Variants in NEDD4 observed in about 807,000 individuals in gnomAD.
NEDD4 encodes the protein E3 ubiquitin-protein ligase NEDD4.
A neutral mutation model predicts 144.9 loss-of-function variants in NEDD4; 99 were observed. The ratio of observed to expected loss-of-function variants is 0.68; its 90% CI spans 0.58 to 0.81. The LOEUF is 0.81. NEDD4 is among the 30% of genes least tolerant of loss of function. NEDD4 has a pLI of 0.00. For synonymous variants in NEDD4, 318 were observed against 350.6 expected (o/e 0.91, Z 1.04); for missense variants, 985 against 1,065.9 (o/e 0.92, Z 1.06).
At chr15:55,830,862 G>A (rs2032916387) in intron 27 of NEDD4, among the ~76,000 whole-genome samples, 1 of 152,054 alleles carries the variant, frequency 6.6e-6, no homozygotes, top group Admixed American at 6.6e-5. Flanking sequence ...ACCACGCCTG[G>A]CTAACTGTTA....
At chr15:55,934,417 C>T (rs1018596687) in intron 4 of NEDD4, among the ~76,000 whole-genome samples, 14 of 152,052 alleles carry the variant, frequency 9.2e-5, no homozygotes, top group Admixed American at 5.2e-4. Context: ...CTGCTACGAA[C>T]ATTGGTGCGC....
chr15:55,908,846 C>T (rs1370758389), intron 5 of NEDD4, among the ~76,000 whole-genome samples: 1 of 152,014 alleles, frequency 6.6e-6, no homozygotes, highest in Non-Finnish European at 1.5e-5. Flanking sequence ...TCAAATCCAG[C>T]TTGTGTAACA....
rs56285555 is a variant in NEDD4, at chr15:55,974,891, C to CTTTTTTTTTT, written c.46-8355_46-8346dup. Among the ~76,000 whole-genome samples, 23 of 75,710 alleles carry CTTTTTTTTTT rather than the reference C, an allele frequency of 3.0e-4. 1 individual carries two copies. The highest frequency in any genetic ancestry group is 7.6e-4 in the African/African-American group (15 of 19,668). The allele number at this position is 75,710 out of a possible 152,430, so 49.7% of individuals were successfully genotyped here. A position where few individuals can be genotyped will look rare whatever the true frequency, so the allele number is the denominator to read the frequency against. On this transcript the variant is annotated intron_variant, in intron 1 of 28. Transcript: ENST00000435532. ...TAAGGATGTCCATTTCTTTTCCTTT[C>CTTTTTTTTTT]TTTTTTTTTTTTTTTTTTTTTGAGA...
chr15:55,887,620 C>T (rs2035435739), intron 5 of NEDD4, among the ~76,000 whole-genome samples: 1 of 152,146 alleles, frequency 6.6e-6, no homozygotes, highest in South Asian at 2.1e-4. Context: ...GGGAATACTT[C>T]CAAACTTATC....
intron 13 of NEDD4, among the ~76,000 whole-genome samples, chr15:55,852,025 G>C (rs2034002110): frequency 6.6e-6 from 1 of 152,038 alleles, no homozygotes; most frequent in Non-Finnish European, 1.5e-5. Context: ...ACCAGGCACG[G>C]TGGCTCATGC....
intron 28 of NEDD4, 100 bp from the exon 29 acceptor site, chr15:55,830,099 A>C (rs1026420393): frequency 6.2e-6 from 5 of 801,330 alleles, no homozygotes; most frequent in African/African-American, 1.7e-5. Context: ...GAATGTTCCA[A>C]CACCACCAAA....
chr15:55,993,300 ACAAGCTTGCTCCCTCCAGCG>A (rs2038017838), intron 1 of NEDD4, among the ~76,000 whole-genome samples, 191 bp downstream of exon 1: 1 of 151,976 alleles, frequency 6.6e-6, no homozygotes, highest in South Asian at 2.1e-4. Context: ...TGTGGACCCG[ACAAGCTTGCTCCCTCCAGCG>A]AGCCCCCAGC....
intron 5 of NEDD4, chr15:55,915,702 G>A: frequency 3.7e-6 from 6 of 1,613,952 alleles, no homozygotes; most frequent in Non-Finnish European, 5.1e-6. Flanking sequence ...GAAATGCACT[G>A]AAACACAAGA....
At chr15:55,915,441 G>C (rs543656596) in intron 5 of NEDD4, 2 of 1,613,790 alleles carry the variant, frequency 1.2e-6, no homozygotes, top group African/African-American at 2.7e-5. Context: ...GGAAATATTT[G>C]GATAAGCTCC....
chr15:55,852,117 G>A (rs2034005601), intron 13 of NEDD4, among the ~76,000 whole-genome samples: 1 of 151,824 alleles, frequency 6.6e-6, no homozygotes, highest in Non-Finnish European at 1.5e-5. Context: ...CCAACATGGT[G>A]AAACCCTGTC....
intron 5 of NEDD4, among the ~76,000 whole-genome samples, chr15:55,898,202 G>C (rs1175016789): frequency 2.0e-5 from 3 of 152,182 alleles, no homozygotes; most frequent in South Asian, 4.1e-4. Context: ...TATAGTGTAA[G>C]GCCTACCAAC....
chr15:55,990,488 C>T (rs2037971855), intron 1 of NEDD4, among the ~76,000 whole-genome samples: 1 of 152,134 alleles, frequency 6.6e-6, no homozygotes, highest in Non-Finnish European at 1.5e-5. Context: ...CGGTGACTTC[C>T]TATCAATATG....
intron 1 of NEDD4, among the ~76,000 whole-genome samples, chr15:55,979,363 T>TTTTTTTG (rs1437639721): frequency 9.1e-6 from 1 of 109,868 alleles, no homozygotes; most frequent in Non-Finnish European, 1.8e-5. Flanking sequence ...TTTTTTTTTT[T>TTTTTTTG]TGAGACGGAG....
At chr15:55,928,056 C>G (rs767870879) in intron 4 of NEDD4, among the ~76,000 whole-genome samples, 4 of 152,094 alleles carry the variant, frequency 2.6e-5, no homozygotes, top group Non-Finnish European at 4.4e-5. Context: ...GTCACCCTGG[C>G]TGGAGTACAG....
At chr15:55,909,118 G>A (rs187775263) in intron 5 of NEDD4, among the ~76,000 whole-genome samples, 1 of 152,084 alleles carries the variant, frequency 6.6e-6, no homozygotes, top group East Asian at 1.9e-4. Context: ...GAAGGCCTAC[G>A]CTCTTTCTTC....
intron 1 of NEDD4, among the ~76,000 whole-genome samples, chr15:55,988,502 A>G (rs935567582): frequency 1.5e-4 from 22 of 148,684 alleles, no homozygotes; most frequent in African/African-American, 5.1e-4. Context: ...AAAAAAAAAA[A>G]AAAAGAAAAA....
At chr15:55,905,832 A>G (rs1000082590) in intron 5 of NEDD4, among the ~76,000 whole-genome samples, 11 of 152,172 alleles carry the variant, frequency 7.2e-5, no homozygotes, top group African/African-American at 2.2e-4. Flanking sequence ...TTGCCTGTTC[A>G]CTCTGATGGT....
chr15:55,839,174 G>A (rs748703164), intron 21 of NEDD4, among the ~76,000 whole-genome samples: 12 of 151,696 alleles, frequency 7.9e-5, no homozygotes, highest in Non-Finnish European at 1.0e-4. Context: ...GACTACAGGC[G>A]CGCACCACCA....
At chr15:55,872,149 T>A (rs1289202479) in intron 7 of NEDD4, among the ~76,000 whole-genome samples, 10 of 152,120 alleles carry the variant, frequency 6.6e-5, no homozygotes, top group African/African-American at 2.4e-4. Context: ...ATAAATAGCC[T>A]TCTAGTCTGA....
Sources: gnomAD v4.1 joint callset for allele counts (sites outside exome capture counted in the v4.1 genomes callset) on GRCh38, gnomAD v4.1.1 for gene constraint, MANE v1.5 for transcripts, NCBI Gene and HGNC (gene_info 2026-07-23, HGNC 2026-07-21) for gene names.